GPNMB: variants seen among roughly 807,000 people sequenced by gnomAD.
GPNMB encodes glycoprotein nmb, also known as transmembrane glycoprotein NMB.
Under a neutral mutation model 57.3 loss-of-function variants are expected in GPNMB, and 71 were observed. The ratio of observed to expected loss-of-function variants is 1.24; its 90% CI spans 1.02 to 1.51. The LOEUF (loss-of-function observed/expected upper bound fraction) is 1.51, where lower values mean the gene tolerates loss of function less well. Among genes scored for constraint, GPNMB ranks in the 40% most tolerant of loss-of-function variants. The pLI is 0.00. For missense variants in GPNMB, 677 were observed against 691.9 expected (o/e 0.98, Z 0.24); for synonymous variants, 253 against 263.2 (o/e 0.96, Z 0.38).
chr7:23,253,226 A>G, intron 1 of GPNMB, 81 bp from the exon 2 acceptor site: 1 of 1,219,948 alleles, frequency 8.2e-7, no homozygotes, highest in South Asian at 1.4e-5. Context: ...GCTTTTCAAC[A>G]GTAAGAAATA....
At chr7:23,267,009 A>AG (rs984161098) in intron 7 of GPNMB, among the ~76,000 whole-genome samples, 2 of 152,230 alleles carry the variant, frequency 1.3e-5, no homozygotes, top group Admixed American at 6.5e-5. Context: ...AAGGGGAAAG[A>AG]GCAGGCCACC....
rs373508300 is a variant in GPNMB at position 23,255,670 on chromosome 7, C to CAGTG, written c.368-1220_368-1217dup. ...TTGTACTAATTTACATTCCCACCAA[C>CAGTG]AGTGATATACTGTTGGTGATTTGTA... On this transcript the variant is annotated intron_variant, in intron 3 of 10. Coordinates refer to ENST00000258733, the MANE Select transcript of GPNMB (RefSeq NM_002510.3). 6.5e-3 allele frequency among the ~76,000 whole-genome samples: 991 copies of CAGTG among 152,248 alleles called. 10 individuals are homozygous for CAGTG. The highest frequency in any genetic ancestry group is 0.023 in the African/African-American group (936 of 41,536).
intron 3 of GPNMB, 36 bp downstream of exon 3, chr7:23,254,348 C>A (rs760132102): frequency 5.1e-6 from 8 of 1,570,600 alleles, no homozygotes; most frequent in Non-Finnish European, 7.0e-6. Context: ...TACTGGAGAC[C>A]CAGTTTCTAA....
chr7:23,253,354 G>A lies in GPNMB; in HGVS notation c.118G>A (p.Glu40Lys), dbSNP rs1457376523. The A allele has an allele frequency of 2.5e-6, 4 of 1,613,474 alleles. No individual in the cohort carries two copies. The Admixed American group carries it at 5.0e-5, about 20-fold the overall frequency. The change falls in exon 2 of 11, where the codon GAG (glutamate) becomes AAG (lysine). Residue 40 changes from glutamate to lysine, a missense_variant. Glu to Lys is a moderately conservative substitution (Grantham distance 56). Coordinates refer to ENST00000258733, the MANE Select transcript of GPNMB (RefSeq NM_002510.3). ...GNERPSAYMR[E>K]HNQLNGWSSD... is the part of the protein sequence containing the mutation. ...TGAAAGACCTTCTGCTTACATGAGG[G>A]AGCACAATCAATTAAATGGCTGGTC... is the stretch of plus-strand genomic sequence containing the variant.
chr7:23,270,131 C>T lies in GPNMB; in HGVS notation c.1385C>T (p.Thr462Ile). Residue 462 changes from threonine to isoleucine, a missense_variant, in exon 9 of 11, where the codon ACA (threonine) becomes ATA (isoleucine). Coordinates refer to ENST00000258733, the MANE Select transcript of GPNMB (RefSeq NM_002510.3). ...YCVNLTLGDD[T>I]SLALTSTLIS... is the part of the protein sequence containing the mutation. The stretch of plus-strand genomic sequence containing the variant: ...GTGAACCTCACCCTGGGGGATGACA[C>T]AAGCCTGGCTCTCACGAGCACCCTG... 2 of 1,614,172 alleles carry T rather than the reference C, an allele frequency of 1.2e-6. No homozygotes were observed. Among genetic ancestry groups the T allele is most frequent in the Non-Finnish European group, 1.7e-6 (2 of 1,180,000 alleles).
At position 23,267,923 on chromosome 7, in the gene GPNMB, C is replaced by T. The variant is rs368337839; in HGVS notation, c.1155C>T (p.Asp385=). The T allele has an allele frequency of 1.3e-4, 203 of 1,613,384 alleles. No homozygotes were observed. Among genetic ancestry groups the T allele is most frequent in the South Asian group, 6.5e-4 (59 of 91,056 alleles). ...ILEVNIIQMT[D]VLMPVPWPES... ...AGGTTAACATCATCCAGATGACAGA[C>T]GTCCTGATGCCGGTGCCATGGCCTG... The change falls in exon 8 of 11, where the codon GAC becomes GAT. Residue 385 remains aspartate (D), a synonymous_variant. Transcript: ENST00000258733.
At chr7:23,249,587 C>G (rs1176467779) in intron 1 of GPNMB, among the ~76,000 whole-genome samples, 1 of 152,014 alleles carries the variant, frequency 6.6e-6, no homozygotes, top group Non-Finnish European at 1.5e-5. Flanking sequence ...TTTTAAAACC[C>G]AACATAATTT....
rs112770909 is a variant in GPNMB, at chr7:23,260,803, G to A, written c.1018+30G>A. ...GGTTTCGCAGTGATCTTTGAGGGAG[G>A]CTCCTTAATGGCTAACAAAATATTC... On this transcript the variant is annotated intron_variant, in intron 6 of 10. Coordinates refer to ENST00000258733, the MANE Select transcript of GPNMB (RefSeq NM_002510.3). The A allele has an allele frequency of 9.0e-4, 1,299 of 1,446,472 alleles. 15 individuals carry two copies. The African/African-American group carries it at 0.015, about 17-fold the overall frequency. 89.6% of individuals were successfully genotyped at this position (1,446,472 alleles called of 1,614,324 possible). A position where few individuals can be genotyped will look rare whatever the true frequency, so the allele number is the denominator to read the frequency against.
intron 2 of GPNMB, 93 bp from the exon 3 acceptor site, chr7:23,254,076 C>T: frequency 8.6e-7 from 1 of 1,165,304 alleles, no homozygotes; most frequent in Non-Finnish European, 1.2e-6. Context: ...GCATATGGGT[C>T]CTCTGGTCCT....
At chr7:23,259,190 T>G (rs1260215675) in intron 4 of GPNMB, among the ~76,000 whole-genome samples, 1 of 151,598 alleles carries the variant, frequency 6.6e-6, no homozygotes, top group Non-Finnish European at 1.5e-5. Flanking sequence ...ACGGGATTTT[T>G]ATTTTTATTT....
intron 2 of GPNMB, among the ~76,000 whole-genome samples, chr7:23,253,695 T>C (rs1379686902): frequency 6.6e-6 from 1 of 152,244 alleles, no homozygotes; most frequent in Non-Finnish European, 1.5e-5. Context: ...GGAATACTTT[T>C]GAAGGGTGAG....
At chr7:23,251,409 T>C (rs1005600936) in intron 1 of GPNMB, among the ~76,000 whole-genome samples, 3 of 152,210 alleles carry the variant, frequency 2.0e-5, no homozygotes, top group African/African-American at 7.2e-5. Flanking sequence ...CAGAAATTAA[T>C]GGGAGAACAA....
In GPNMB at chr7:23,262,608, C is replaced by CTTTTTTTTT. The variant is rs58011121; in HGVS notation, c.1018+1855_1018+1863dup. On this transcript the variant is annotated intron_variant, in intron 6 of 10. Coordinates refer to ENST00000258733, the MANE Select transcript of GPNMB (RefSeq NM_002510.3). ...GTACTGTCATTTATTTCACCATTCTCTTTTTTTTTTTTTTTTTTTTTTTTT... is the reference window on the plus strand; with the variant it reads ...GTACTGTCATTTATTTCACCATTCTCTTTTTTTTTTTTTTTTTTTTTTTTTTTTTTTTTT... Among the ~76,000 whole-genome samples the CTTTTTTTTT allele has an allele frequency of 8.0e-5, 5 of 62,850 alleles. 1 individual carries two copies. Among genetic ancestry groups the CTTTTTTTTT allele is most frequent in the Non-Finnish European group, 8.3e-5 (3 of 36,280 alleles). 41.2% of individuals were successfully genotyped at this position (62,850 alleles called of 152,430 possible).
chr7:23,268,839 AG>A (rs1285899128), intron 8 of GPNMB, among the ~76,000 whole-genome samples: 1 of 152,154 alleles, frequency 6.6e-6, no homozygotes, highest in African/African-American at 2.4e-5. Context: ...GCTGGTGAGA[AG>A]GGGGACTGTC....
chr7:23,264,338 C>T (rs919206981), intron 6 of GPNMB, among the ~76,000 whole-genome samples: 1 of 151,942 alleles, frequency 6.6e-6, no homozygotes, highest in Non-Finnish European at 1.5e-5. Flanking sequence ...TTTATAGACA[C>T]AATGTTTGCG....
At chr7:23,251,670 C>A (rs1471153195) in intron 1 of GPNMB, among the ~76,000 whole-genome samples, 1 of 152,138 alleles carries the variant, frequency 6.6e-6, no homozygotes, top group Non-Finnish European at 1.5e-5. Flanking sequence ...CATTACACTA[C>A]CATCTCCAAA....
In GPNMB at chr7:23,256,969, GGCCAAAGCCA is replaced by G; in HGVS notation, c.446_455del (p.Gly149ValfsTer41). ...GGACAGTGACGGGGAAAATGGCACC[GGCCAAAGCCA>G]TCATAACGTCTTCCCTGATGGGAAA... is the stretch of plus-strand genomic sequence containing the variant. On this transcript the variant is annotated frameshift_variant, in exon 4 of 11. Transcript: ENST00000258733. LOFTEE classifies it high-confidence loss of function. 1.2e-6 allele frequency: 2 copies of G among 1,614,002 alleles called. No individual in the cohort carries two copies. The highest frequency in any genetic ancestry group is 1.7e-6 in the Non-Finnish European group (2 of 1,179,860).
chr7:23,255,547 C>T (rs1271285529), intron 3 of GPNMB, among the ~76,000 whole-genome samples: 1 of 151,992 alleles, frequency 6.6e-6, no homozygotes, highest in African/African-American at 2.4e-5. Flanking sequence ...GATTGATTTC[C>T]TTTCTTTTGT....
intron 8 of GPNMB, among the ~76,000 whole-genome samples, chr7:23,268,326 G>T (rs563165181): frequency 3.9e-5 from 6 of 152,292 alleles, no homozygotes; most frequent in Non-Finnish European, 7.4e-5. Context: ...TTTTGCAGAT[G>T]AGGCAACTGA....
Sources: gnomAD v4.1 joint callset for allele counts (sites outside exome capture counted in the v4.1 genomes callset) on GRCh38, gnomAD v4.1.1 for gene constraint, MANE v1.5 for transcripts, NCBI Gene and HGNC (gene_info 2026-07-23, HGNC 2026-07-21) for gene names.